The following MAPK8IP3 variants were observed in gnomAD, a reference collection of about 807,000 sequenced individuals.
The protein encoded by MAPK8IP3 is C-Jun-amino-terminal kinase-interacting protein 3.
In MAPK8IP3, 49 loss-of-function variants were observed where a neutral mutation model predicts 157.8. The observed-to-expected ratio is 0.31, with a 90% CI of 0.25 to 0.39. The LOEUF (loss-of-function observed/expected upper bound fraction) is 0.39. MAPK8IP3 is among the 10% of genes least tolerant of loss of function. The pLI is 1.00. For missense variants in MAPK8IP3, 1,478 were observed against 1,889.4 expected (o/e 0.78, Z 4.04); for synonymous variants, 897 against 777.7 (o/e 1.15, Z -2.55).
At position 1,743,761 on chromosome 16, in the gene MAPK8IP3, G is replaced by T; in HGVS notation, c.747+285G>T. ...GATAGACCGCTCTGTAGCCAGGGGTGTACAGTGCCTGTCAGGGTTGAGCTT... is the reference window on the plus strand; with the variant it reads ...GATAGACCGCTCTGTAGCCAGGGGTTTACAGTGCCTGTCAGGGTTGAGCTT... On this transcript the variant is annotated intron_variant, in intron 5 of 31. Coordinates refer to ENST00000610761, the MANE Select transcript of MAPK8IP3 (RefSeq NM_001318852.2). This position sits in a 1 kb window ranked among gnomAD's most constrained non-coding sequence, Gnocchi z 5.6. 7.6e-7 allele frequency: 1 copy of T among 1,321,054 alleles called. No individual in the cohort carries two copies. The highest frequency in any genetic ancestry group is 4.2e-5 in the Admixed American group (1 of 23,770). 81.8% of individuals were successfully genotyped at this position (1,321,054 alleles called of 1,614,324 possible). A position where few individuals can be genotyped will look rare whatever the true frequency, so the allele number is the denominator to read the frequency against.
In MAPK8IP3 at chr16:1,746,775, CG is replaced by C. The variant is rs1397722421; in HGVS notation, c.748-253del. ...TGGGGAGGGCACCAGTGGAAAGCCC[CG>C]TTCCAAGCCATTTCAGGAGGGTGGC... On this transcript the variant is annotated intron_variant, in intron 5 of 31. Coordinates refer to ENST00000610761, the MANE Select transcript of MAPK8IP3 (RefSeq NM_001318852.2). 4.8e-5 allele frequency: 26 copies of C among 537,416 alleles called. No homozygotes were observed. In the South Asian group the frequency reaches 5.8e-4, roughly 12 times the overall value. 33.3% of individuals were successfully genotyped at this position (537,416 alleles called of 1,614,324 possible).
chr16:1,725,828 G>T (rs1192783891), intron 2 of MAPK8IP3, among the ~76,000 whole-genome samples: 1 of 151,884 alleles, frequency 6.6e-6, no homozygotes, highest in Non-Finnish European at 1.5e-5. Flanking sequence ...TTCCCAAGTA[G>T]CTGGGACTAC....
At chr16:1,747,634 G>C (rs944294284) in intron 6 of MAPK8IP3, among the ~76,000 whole-genome samples, 1 of 152,232 alleles carries the variant, frequency 6.6e-6, no homozygotes, top group Admixed American at 6.5e-5. Flanking sequence ...GTCATGCTAG[G>C]GGGTATCTAT....
chr16:1,760,149 G>C (rs957621709), intron 11 of MAPK8IP3, 134 bp downstream of exon 11: 4 of 1,060,040 alleles, frequency 3.8e-6, no homozygotes, highest in Non-Finnish European at 5.6e-6. Flanking sequence ...TCTCTGGCGG[G>C]AGGAACTTGG....
At chr16:1,729,906 C>G (rs1720427357) in intron 4 of MAPK8IP3, among the ~76,000 whole-genome samples, 1 of 152,048 alleles carries the variant, frequency 6.6e-6, no homozygotes, top group South Asian at 2.1e-4. Flanking sequence ...TATCTACTCG[C>G]TAAAATATAT....
intron 1 of MAPK8IP3, among the ~76,000 whole-genome samples, chr16:1,714,996 C>T (rs923234136): frequency 6.6e-5 from 10 of 151,974 alleles, no homozygotes; most frequent in African/African-American, 2.2e-4. Context: ...ATTTTTCTTC[C>T]GCTGGTACCA....
At chr16:1,758,103 G>C (rs374774701) in intron 8 of MAPK8IP3, 45 bp from the exon 9 acceptor site, 233 of 1,610,266 alleles carry the variant, frequency 1.4e-4, no homozygotes, top group Non-Finnish European at 1.9e-4. Flanking sequence ...ATTGACCTTT[G>C]TCCCTTCCTT....
At chr16:1,740,302 A>G (rs1159306713) in intron 4 of MAPK8IP3, among the ~76,000 whole-genome samples, 1 of 140,738 alleles carries the variant, frequency 7.1e-6, no homozygotes, top group East Asian at 2.2e-4. Context: ...CCGTGTGAGC[A>G]TCCGTGTGAT....
At chr16:1,720,586 G>A (rs1009946337) in intron 1 of MAPK8IP3, among the ~76,000 whole-genome samples, 8 of 152,098 alleles carry the variant, frequency 5.3e-5, no homozygotes, top group South Asian at 2.1e-4. Context: ...CCAGAAGCAC[G>A]TCACACAATT....
At position 1,706,235 on chromosome 16, in the gene MAPK8IP3, AGCTGCGGGAGGCGACGG is replaced by A; in HGVS notation, c.-97_-81del. The A allele has an allele frequency of 9.5e-7, 1 of 1,057,932 alleles. No homozygotes were observed. Among genetic ancestry groups the A allele is most frequent in the Non-Finnish European group, 1.3e-6 (1 of 790,684 alleles). The allele number at this position is 1,057,932 out of a possible 1,614,324, so 65.5% of individuals were successfully genotyped here. On this transcript the variant is annotated 5_prime_UTR_variant, in exon 1 of 32. Transcript: ENST00000610761. The surrounding 1 kb of genome is among the most constrained non-coding windows in gnomAD (Gnocchi z 5.1). The stretch of plus-strand genomic sequence containing the variant: ...GGCGGCGGAGCCCTGAGGCGACAGC[AGCTGCGGGAGGCGACGG>A]GCTGCGGCCTGCGGAACCTGAGGCA...
chr16:1,743,139 A>G lies in MAPK8IP3; in HGVS notation c.603-193A>G, dbSNP rs1021115197. On this transcript the variant is annotated intron_variant, in intron 4 of 31. Transcript: ENST00000610761. The surrounding 1 kb of genome is among the most constrained non-coding windows in gnomAD (Gnocchi z 5.6). ...AAAATAAAATAAAATTGAACTTAAT[A>G]AAAATGAGAAACTGCAGCATCATGG... Among the ~76,000 whole-genome samples the G allele has an allele frequency of 6.6e-6, 1 of 152,192 alleles. No individual in the cohort carries two copies. The highest frequency in any genetic ancestry group is 1.5e-5 in the Non-Finnish European group (1 of 68,034).
rs1161514450 is a variant in MAPK8IP3 at position 1,742,355 on chromosome 16, T to A, written c.603-977T>A. 6.6e-6 allele frequency among the ~76,000 whole-genome samples: 1 copy of A among 152,128 alleles called. No homozygotes were observed. Among genetic ancestry groups the A allele is most frequent in the African/African-American group, 2.4e-5 (1 of 41,420 alleles). On this transcript the variant is annotated intron_variant, in intron 4 of 31. Coordinates refer to ENST00000610761, the MANE Select transcript of MAPK8IP3 (RefSeq NM_001318852.2). The surrounding 1 kb of genome is among the most constrained non-coding windows in gnomAD (Gnocchi z 5.0). Reference sequence around the variant, plus strand: ...GGGCACTGAGCACTGTCCTGACAGCTCCAGCTCCCAGGCGCTCCCACTGTC... The same window carrying A: ...GGGCACTGAGCACTGTCCTGACAGCACCAGCTCCCAGGCGCTCCCACTGTC...
chr16:1,758,305 C>T (rs1047669632), intron 9 of MAPK8IP3, 146 bp downstream of exon 9: 50 of 868,918 alleles, frequency 5.8e-5, no homozygotes, highest in Non-Finnish European at 8.0e-5. Context: ...TCGCAGCCAC[C>T]GCCGCTCGGA....
chr16:1,751,039 C>T lies in MAPK8IP3; in HGVS notation c.1216+2319C>T, dbSNP rs1012969104. Among the ~76,000 whole-genome samples the T allele has an allele frequency of 6.6e-6, 1 of 152,206 alleles. No homozygotes were observed. Among genetic ancestry groups the T allele is most frequent in the Non-Finnish European group, 1.5e-5 (1 of 68,042 alleles). ...GTACGCAGAACACACAGTGTCAGGT[C>T]GCAGCTGCCCTTCTCATTGTGGGCG... On this transcript the variant is annotated intron_variant, in intron 8 of 31. Coordinates refer to ENST00000610761, the MANE Select transcript of MAPK8IP3 (RefSeq NM_001318852.2). This position sits in a 1 kb window ranked among gnomAD's most constrained non-coding sequence, Gnocchi z 5.0.
intron 20 of MAPK8IP3, 92 bp downstream of exon 20, chr16:1,765,270 C>A: frequency 1.4e-6 from 2 of 1,417,294 alleles, no homozygotes; most frequent in African/African-American, 1.4e-5. Flanking sequence ...GCTGCCTTCT[C>A]GGGGTGTCCT....
rs536282341 is a variant in MAPK8IP3, at chr16:1,715,352, G to A, written c.318+8695G>A. On this transcript the variant is annotated intron_variant, in intron 1 of 31. Coordinates refer to ENST00000610761, the MANE Select transcript of MAPK8IP3 (RefSeq NM_001318852.2). ...GTAACTCCAGAGCCACCCCCTGCAC[G>A]TCCTCTCTCTGCATTTTAGACCTAG... Among the ~76,000 whole-genome samples the A allele has an allele frequency of 3.9e-5, 6 of 152,216 alleles. No homozygotes were observed. In the East Asian group the frequency reaches 9.7e-4, roughly 25 times the overall value.
rs192422417 is a variant in MAPK8IP3 at position 1,743,720 on chromosome 16, G to A, written c.747+244G>A. On this transcript the variant is annotated intron_variant, in intron 5 of 31. Transcript: ENST00000610761. The surrounding 1 kb of genome is among the most constrained non-coding windows in gnomAD (Gnocchi z 5.6). The stretch of plus-strand genomic sequence containing the variant: ...TGTCGGCACCTGCTAGTCCAGGCTA[G>A]ACCTCCCTGCCCTTGGATAGACCGC... The A allele has an allele frequency of 6.1e-4, 846 of 1,385,138 alleles. 5 individuals are homozygous for A. The African/African-American group carries it at 0.012, about 19-fold the overall frequency. 85.8% of individuals were successfully genotyped at this position (1,385,138 alleles called of 1,614,324 possible).
rs2038363505 is a variant in MAPK8IP3 at position 1,719,327 on chromosome 16, C to G, written c.319-5230C>G. ...TGGCCCCTTCCTAAGGGACAGAGAC[C>G]TGGTGCTTTCAGACAGGTGAAATGC... is the stretch of plus-strand genomic sequence containing the variant. On this transcript the variant is annotated intron_variant, in intron 1 of 31. Transcript: ENST00000610761. 2.0e-5 allele frequency among the ~76,000 whole-genome samples: 3 copies of G among 152,120 alleles called. No individual in the cohort carries two copies. In the South Asian group the frequency reaches 6.2e-4, roughly 32 times the overall value.
At chr16:1,735,356 G>A (rs1023606698) in intron 4 of MAPK8IP3, among the ~76,000 whole-genome samples, 1 of 151,224 alleles carries the variant, frequency 6.6e-6, no homozygotes, top group African/African-American at 2.4e-5. Context: ...GAGCGTGTGA[G>A]CGTCCATGTG....
Sources: allele counts gnomAD v4.1 joint callset (sites outside exome capture counted in the v4.1 genomes callset), GRCh38; gene constraint gnomAD v4.1.1; non-coding constraint Gnocchi (gnomAD v3.1); transcripts MANE v1.5; gene names NCBI Gene and HGNC (gene_info 2026-07-23, HGNC 2026-07-21).